The following CCDC171 variants were observed in gnomAD, a reference collection of about 807,000 sequenced individuals.
CCDC171 encodes coiled-coil domain containing 171.
In CCDC171, 177 loss-of-function variants were observed where a neutral mutation model predicts 168.2. That is an observed-to-expected ratio of 1.05 (90% CI 0.93 to 1.19). CCDC171 has a LOEUF of 1.19. CCDC171 is among the 50% of genes most tolerant of loss of function. CCDC171 has a pLI of 0.00. For missense variants in CCDC171, 1,991 were observed against 1,539.0 expected (o/e 1.29, Z -4.91); for synonymous variants, 687 against 540.8 (o/e 1.27, Z -3.75).
At chr9:15,744,236 T>C (rs748157925) in intron 16 of CCDC171, 37 bp from the exon 17 acceptor site, 209 of 1,499,440 alleles carry the variant, frequency 1.4e-4, no homozygotes, top group Admixed American at 1.8e-4. Context: ...TGCCTGTTTG[T>C]TTCATGATCA....
At position 15,627,329 on chromosome 9, in the gene CCDC171, C is replaced by G. The variant is rs577171730; in HGVS notation, c.822+3916C>G. On this transcript the variant is annotated intron_variant, in intron 7 of 25. Coordinates refer to ENST00000380701, the MANE Select transcript of CCDC171 (RefSeq NM_173550.4). ...TGTCTTTATCTCTTTCAGTTCTGCT[C>G]TGTTCTTAATTTTTTCTTGCCTTCT... Among the ~76,000 whole-genome samples the G allele has an allele frequency of 7.9e-5, 12 of 152,044 alleles. No homozygotes were observed. The East Asian group carries it at 2.3e-3, about 29-fold the overall frequency.
intron 7 of CCDC171, among the ~76,000 whole-genome samples, chr9:15,626,935 C>G (rs186960445): frequency 9.2e-5 from 14 of 152,272 alleles, no homozygotes; most frequent in Non-Finnish European, 5.9e-5. Context: ...GGTTGTGAAT[C>G]CATCTGGTCC....
intron 24 of CCDC171, among the ~76,000 whole-genome samples, chr9:15,905,557 A>G (rs1047678289): frequency 7.9e-5 from 12 of 152,204 alleles, no homozygotes; most frequent in African/African-American, 2.9e-4. Context: ...TTAAATGCCC[A>G]CAAGAGAAAG....
At position 15,917,019 on chromosome 9, in the gene CCDC171, A is replaced by G. The variant is rs371743187; in HGVS notation, c.3601-3251A>G. 4.3e-4 allele frequency among the ~76,000 whole-genome samples: 66 copies of G among 152,096 alleles called. 3 individuals carry two copies. In the South Asian group the frequency reaches 0.013, roughly 30 times the overall value. ...TGTCATTGTTTCCTAATGTAAAATAATGTGATCTTTTAATAAGGGAACAGG... is the reference window on the plus strand; with the variant it reads ...TGTCATTGTTTCCTAATGTAAAATAGTGTGATCTTTTAATAAGGGAACAGG... On this transcript the variant is annotated intron_variant, in intron 24 of 25. Coordinates refer to ENST00000380701, the MANE Select transcript of CCDC171 (RefSeq NM_173550.4).
intron 21 of CCDC171, among the ~76,000 whole-genome samples, chr9:15,825,129 G>T (rs994903113): frequency 1.3e-5 from 2 of 152,054 alleles, no homozygotes; most frequent in African/African-American, 4.8e-5. Flanking sequence ...CTGAATTTCA[G>T]ATGAGAATAT....
intron 21 of CCDC171, among the ~76,000 whole-genome samples, chr9:15,804,778 A>G (rs560739906): frequency 6.4e-4 from 97 of 151,242 alleles, no homozygotes; most frequent in African/African-American, 2.0e-3. Context: ...GCTGTTTATT[A>G]CTGGGAGGAA....
chr9:16,015,311 C>T (rs959306301), intron 3 of CCDC171, among the ~76,000 whole-genome samples: 1 of 152,194 alleles, frequency 6.6e-6, no homozygotes, highest in African/African-American at 2.4e-5. Context: ...TCCTCACCTT[C>T]TCAGCCTTCA....
At chr9:15,750,192 T>C (rs910605791) in intron 18 of CCDC171, among the ~76,000 whole-genome samples, 1 of 151,856 alleles carries the variant, frequency 6.6e-6, no homozygotes, top group African/African-American at 2.4e-5. Flanking sequence ...TATAAAGACC[T>C]CTACATAAAT....
chr9:16,034,013 G>A (rs1340133619), intron 6 of CCDC171, among the ~76,000 whole-genome samples: 1 of 152,202 alleles, frequency 6.6e-6, no homozygotes, highest in Non-Finnish European at 1.5e-5. Context: ...AACAGAATTT[G>A]TTCACCTAAG....
chr9:15,874,371 A>G lies in CCDC171; in HGVS notation c.3469-161A>G, dbSNP rs561451555. Among the ~76,000 whole-genome samples the G allele has an allele frequency of 1.1e-4, 17 of 152,208 alleles. No homozygotes were observed. In the East Asian group the frequency reaches 1.7e-3, roughly 16 times the overall value. ...ATTCTCCCCCAGCACTCTGAATTAG[A>G]GATTTATTTGCAACGAAAAATCAAT... On this transcript the variant is annotated intron_variant, in intron 23 of 25. Transcript: ENST00000380701.
chr9:15,995,346 C>G (rs559051233), intron 3 of CCDC171, among the ~76,000 whole-genome samples: 2 of 152,206 alleles, frequency 1.3e-5, no homozygotes, highest in African/African-American at 2.4e-5. Flanking sequence ...GCTACTGGTA[C>G]AAAATGTTTG....
At chr9:15,998,178 C>G (rs566120657) in intron 3 of CCDC171, among the ~76,000 whole-genome samples, 94 of 152,266 alleles carry the variant, frequency 6.2e-4, no homozygotes, top group Non-Finnish European at 1.1e-3. Context: ...TCCTCGGTTC[C>G]CAGACCCATG....
At chr9:15,583,232 T>C (rs2041273903) in intron 4 of CCDC171, among the ~76,000 whole-genome samples, 1 of 151,850 alleles carries the variant, frequency 6.6e-6, no homozygotes, top group Non-Finnish European at 1.5e-5. Context: ...CTGGCCAAGG[T>C]GGTGGAACCC....
At chr9:15,673,616 T>C (rs2049291173) in intron 9 of CCDC171, among the ~76,000 whole-genome samples, 1 of 152,254 alleles carries the variant, frequency 6.6e-6, no homozygotes, top group African/African-American at 2.4e-5. Context: ...CATGTGATTT[T>C]TGTTGTTGGT....
chr9:15,801,801 A>G lies in CCDC171; in HGVS notation c.3267+17107A>G, dbSNP rs535953241. Among the ~76,000 whole-genome samples, 37 of 152,026 alleles carry G rather than the reference A, an allele frequency of 2.4e-4. 1 individual carries two copies. The South Asian group carries it at 6.8e-3, about 28-fold the overall frequency. ...GTTGATGTATGTTCCTTATATCCCC[A>G]TTTTTTTTAGGCTTTTTTAAAATCA... On this transcript the variant is annotated intron_variant, in intron 21 of 25. Transcript: ENST00000380701.
At chr9:15,755,530 G>A (rs558093636) in intron 18 of CCDC171, among the ~76,000 whole-genome samples, 72 of 152,184 alleles carry the variant, frequency 4.7e-4, no homozygotes, top group African/African-American at 1.5e-3. Context: ...GCATCAGTAC[G>A]CGTGAGTCAA....
the CCDC171 span, among the ~76,000 whole-genome samples, chr9:16,107,976 G>C: frequency 3.3e-5 from 5 of 152,158 alleles, no homozygotes; most frequent in East Asian, 9.6e-4. Context: ...CAATATAAAT[G>C]ATATCAAATA....
At chr9:15,857,211 G>A (rs1563880782) in intron 23 of CCDC171, among the ~76,000 whole-genome samples, 1 of 151,624 alleles carries the variant, frequency 6.6e-6, no homozygotes, top group Non-Finnish European at 1.5e-5. Flanking sequence ...TTTTTTGCTA[G>A]GCAGAAGCTT....
intron 13 of CCDC171, among the ~76,000 whole-genome samples, 176 bp from the exon 14 acceptor site, chr9:15,724,600 A>G (rs1450676001): frequency 6.6e-6 from 1 of 152,224 alleles, no homozygotes; most frequent in Non-Finnish European, 1.5e-5. Context: ...GAGCTGAGAT[A>G]TTATATTTAG....
Sources: gnomAD v4.1 joint callset for allele counts (sites outside exome capture counted in the v4.1 genomes callset) on GRCh38, gnomAD v4.1.1 for gene constraint, MANE v1.5 for transcripts, NCBI Gene and HGNC (gene_info 2026-07-23, HGNC 2026-07-21) for gene names.